KIF5C: variants seen among roughly 807,000 people sequenced by gnomAD.
KIF5C encodes the protein kinesin heavy chain isoform 5C.
KIF5C carries 18 observed loss-of-function variants against 125.2 expected under a neutral mutation model. That is an observed-to-expected ratio of 0.14 (90% confidence interval 0.10 to 0.21). The LOEUF (loss-of-function observed/expected upper bound fraction) is 0.21, where lower values mean the gene tolerates loss of function less well. KIF5C is among the 10% of genes least tolerant of loss of function. The pLI is 1.00. For synonymous variants in KIF5C, 405 were observed against 434.0 expected, an observed-to-expected ratio of 0.93 and a Z score of 0.83; for missense variants, 780 against 1,183.8, an observed-to-expected ratio of 0.66 and a Z score of 5.01.
chr2:148,927,331 C>T (rs950415630), intron 2 of KIF5C, among the ~76,000 whole-genome samples: 1 of 152,148 alleles, frequency 6.6e-6, no homozygotes, highest in African/African-American at 2.4e-5. Context: ...CTGGGGCCTC[C>T]TGCGTGGGAA....
At chr2:149,010,051 CAGCAGGGGCTGCTTCT>C in intron 23 of KIF5C, 68 bp from the exon 24 acceptor site, 1 of 1,464,506 alleles carries the variant, frequency 6.8e-7, no homozygotes, top group East Asian at 2.5e-5. Flanking sequence ...ACCTGTTCAG[CAGCAGGGGCTGCTTCT>C]GGCTGCTCTG....
In KIF5C at chr2:148,928,952, C is replaced by T. The variant is rs951250766; in HGVS notation, c.218-329C>T. 2.7e-4 allele frequency among the ~76,000 whole-genome samples: 41 copies of T among 152,144 alleles called. 1 individual carries two copies. Among genetic ancestry groups the T allele is most frequent in the African/African-American group, 2.4e-5 (1 of 41,436 alleles). On this transcript the variant is annotated intron_variant, in intron 2 of 25. Coordinates refer to ENST00000435030, the MANE Select transcript of KIF5C (RefSeq NM_004522.3). ...ATGTTTTCTTTTTCCCCCAACTGATCTCAAGAGATCAACTTATAGAAGAAA... is the reference window on the plus strand; with the variant it reads ...ATGTTTTCTTTTTCCCCCAACTGATTTCAAGAGATCAACTTATAGAAGAAA...
intron 2 of KIF5C, among the ~76,000 whole-genome samples, chr2:148,922,787 C>G (rs1681840341): frequency 6.6e-6 from 1 of 152,330 alleles, no homozygotes; most frequent in East Asian, 1.9e-4. Flanking sequence ...TTTCTCCTAA[C>G]CCATTTTCAA....
chr2:148,914,033 G>T (rs1681447474), intron 1 of KIF5C, among the ~76,000 whole-genome samples: 1 of 152,212 alleles, frequency 6.6e-6, no homozygotes, highest in East Asian at 1.9e-4. Flanking sequence ...CATTCTGACG[G>T]GAAATCACAG....
At chr2:148,925,697 T>C (rs1290132142) in intron 2 of KIF5C, among the ~76,000 whole-genome samples, 1 of 152,202 alleles carries the variant, frequency 6.6e-6, no homozygotes, top group Non-Finnish European at 1.5e-5. Flanking sequence ...AATTATTTTA[T>C]GAGTGGTCCC....
At chr2:148,926,491 C>G (rs960848175) in intron 2 of KIF5C, among the ~76,000 whole-genome samples, 2 of 152,224 alleles carry the variant, frequency 1.3e-5, no homozygotes, top group African/African-American at 4.8e-5. Context: ...GGGCACTGGA[C>G]GTGATGAAAG....
At chr2:148,999,461 A>G (rs192917978) in intron 19 of KIF5C, among the ~76,000 whole-genome samples, 1 of 152,346 alleles carries the variant, frequency 6.6e-6, no homozygotes, top group Non-Finnish European at 1.5e-5. Flanking sequence ...TTTGCATTTT[A>G]AAAGAGGAGA....
intron 1 of KIF5C, 141 bp downstream of exon 1, chr2:148,875,884 A>G: frequency 9.5e-7 from 1 of 1,052,018 alleles, no homozygotes; most frequent in Non-Finnish European, 1.2e-6. Flanking sequence ...CTGACCAGAG[A>G]CCCCTCGCCC....
chr2:148,938,944 A>G (rs1315129334), intron 4 of KIF5C, among the ~76,000 whole-genome samples: 1 of 151,824 alleles, frequency 6.6e-6, no homozygotes, highest in Non-Finnish European at 1.5e-5. Context: ...AATACAAAAA[A>G]AGTAGCCAGG....
rs575000911 is a variant in KIF5C at position 149,016,721 on chromosome 2, C to T, written c.*7+5038C>T. ...GGTGTGTGGAACAGGTGGCTGGATC[C>T]GTGGGTCTGGAGCACAGGAGAGAGG... On this transcript the variant is annotated intron_variant, in intron 25 of 25. Coordinates refer to ENST00000435030, the MANE Select transcript of KIF5C (RefSeq NM_004522.3). Among the ~76,000 whole-genome samples the T allele has an allele frequency of 4.6e-5, 7 of 152,148 alleles. No homozygotes were observed. In the South Asian group the frequency reaches 6.2e-4, roughly 14 times the overall value.
Position 148,991,160 on chromosome 2 carries a change from G to C in KIF5C, c.1867G>C (p.Glu623Gln), listed in dbSNP as rs562279662. 1.2e-6 allele frequency: 2 copies of C among 1,613,872 alleles called. No homozygotes were observed. Among genetic ancestry groups the C allele is most frequent in the South Asian group, 1.1e-5 (1 of 91,062 alleles). ...MDSNRKMNAS[E>Q]RELAACQLLI... ...CTCCAACAGGAAGATGAATGCCAGC[G>C]AGCGGGAGCTGGCAGCCTGCCAGCT... Residue 623 changes from glutamate (E) to glutamine (Q), a missense_variant, in exon 16 of 26, where the codon GAG (glutamate) becomes CAG (glutamine). Physicochemically the swap from Glu to Gln is conservative, Grantham distance 29. This residue lies in a region of KIF5C where 573 missense variants were observed against 742.6 expected (regional missense o/e 0.77). Transcript: ENST00000435030.
At chr2:149,001,192 A>G (rs557091260) in intron 21 of KIF5C, among the ~76,000 whole-genome samples, 5 of 152,212 alleles carry the variant, frequency 3.3e-5, no homozygotes, top group Admixed American at 6.5e-5. Context: ...TAGCTGTGGG[A>G]GACGATAAAC....
chr2:148,914,294 T>A (rs1262226508), intron 1 of KIF5C, among the ~76,000 whole-genome samples: 1 of 152,218 alleles, frequency 6.6e-6, no homozygotes, highest in Non-Finnish European at 1.5e-5. Context: ...TATTTTGATC[T>A]GAAATGAAAA....
chr2:148,995,927 C>T (rs571221972), intron 17 of KIF5C, among the ~76,000 whole-genome samples: 12 of 152,130 alleles, frequency 7.9e-5, no homozygotes, highest in Admixed American at 3.3e-4. Flanking sequence ...GAGGCTGAGG[C>T]GGGCGGATCA....
At position 149,025,713 on chromosome 2, in the gene KIF5C, T is replaced by A. The variant is rs1682669042; in HGVS notation, c.*2643T>A. The A allele has an allele frequency of 6.6e-6, 1 of 152,296 alleles. No homozygotes were observed. The highest frequency in any genetic ancestry group is 1.5e-5 in the Non-Finnish European group (1 of 68,034). The allele number at this position is 152,296 out of a possible 1,614,324, so 9.4% of individuals were successfully genotyped here. A position where few individuals can be genotyped will look rare whatever the true frequency, so the allele number is the denominator to read the frequency against. ...ATGGTTTATATGAATAATCTTTATC[T>A]GCAGGATGGTGGATTGGTAAATTAG... On this transcript the variant is annotated 3_prime_UTR_variant, in exon 26 of 26. Coordinates refer to ENST00000435030, the MANE Select transcript of KIF5C (RefSeq NM_004522.3).
chr2:149,008,584 A>G (rs1226627074), intron 23 of KIF5C, among the ~76,000 whole-genome samples: 1 of 152,132 alleles, frequency 6.6e-6, no homozygotes, highest in East Asian at 1.9e-4. Context: ...GCTCTCTCGG[A>G]TGCCTGCGAT....
intron 11 of KIF5C, 145 bp from the exon 12 acceptor site, chr2:148,973,191 A>G (rs1279295531): frequency 1.7e-6 from 2 of 1,194,000 alleles, no homozygotes; most frequent in Non-Finnish European, 2.2e-6. Flanking sequence ...GTCAAATAGA[A>G]GGAACACAAA....
At chr2:149,019,353 T>A (rs780788185) in intron 25 of KIF5C, among the ~76,000 whole-genome samples, 2 of 152,172 alleles carry the variant, frequency 1.3e-5, no homozygotes, top group Non-Finnish European at 2.9e-5. Flanking sequence ...GCATGTTAGC[T>A]AATGTTAAAG....
chr2:149,007,356 G>A (rs990068534), intron 22 of KIF5C, among the ~76,000 whole-genome samples: 6 of 152,158 alleles, frequency 3.9e-5, no homozygotes, highest in Admixed American at 3.3e-4. Flanking sequence ...TGTGCCACTC[G>A]GCTTGCCAGG....
Sources: allele counts gnomAD v4.1 joint callset (sites outside exome capture counted in the v4.1 genomes callset), GRCh38; gene constraint gnomAD v4.1.1; regional missense constraint gnomAD v4.1.1; transcripts MANE v1.5; gene names NCBI Gene and HGNC (gene_info 2026-07-23, HGNC 2026-07-21).